The following NEGR1 variants were observed in gnomAD, a reference collection of about 807,000 sequenced individuals.
NEGR1 encodes the protein IgLON family member 4.
In NEGR1, 10 loss-of-function variants were observed where a neutral mutation model predicts 40.9. The ratio of observed to expected loss-of-function variants is 0.24; its 90% CI spans 0.15 to 0.42. NEGR1 has a LOEUF of 0.42. Ranked by LOEUF, NEGR1 falls within the 10% of genes least tolerant of loss-of-function variation. NEGR1 has a pLI of 1.00. For missense variants in NEGR1, 352 were observed against 438.9 expected, an observed-to-expected ratio of 0.80 and a Z score of 1.77; for synonymous variants, 185 against 166.8, an observed-to-expected ratio of 1.11 and a Z score of -0.84.
intron 2 of NEGR1, among the ~76,000 whole-genome samples, chr1:71,899,683 T>C (rs1263596830): frequency 6.6e-6 from 1 of 152,208 alleles, no homozygotes; most frequent in East Asian, 1.9e-4. Context: ...TTATTACATT[T>C]GCAATTTCTT....
At chr1:71,471,775 A>G (rs1646783878) in intron 6 of NEGR1, among the ~76,000 whole-genome samples, 1 of 152,154 alleles carries the variant, frequency 6.6e-6, no homozygotes, top group Non-Finnish European at 1.5e-5. Flanking sequence ...TGTTACCCAG[A>G]AAAGCCACAG....
intron 1 of NEGR1, among the ~76,000 whole-genome samples, chr1:72,095,174 A>G (rs964148511): frequency 6.6e-6 from 1 of 152,088 alleles, no homozygotes; most frequent in Non-Finnish European, 1.5e-5. Flanking sequence ...TTCACATTTT[A>G]GGATATATAC....
intron 6 of NEGR1, among the ~76,000 whole-genome samples, chr1:71,520,947 T>C (rs762434340): frequency 7.2e-5 from 11 of 152,096 alleles, no homozygotes; most frequent in Admixed American, 7.2e-4. Context: ...TGTGATTAGA[T>C]TAACCCACTG....
intron 2 of NEGR1, among the ~76,000 whole-genome samples, chr1:71,778,069 T>C (rs1412559588): frequency 1.3e-5 from 2 of 151,990 alleles, no homozygotes; most frequent in Non-Finnish European, 2.9e-5. Context: ...ATAGGAGAGT[T>C]AATAATAATA....
chr1:71,788,355 T>C (rs1195592348), intron 2 of NEGR1, among the ~76,000 whole-genome samples: 1 of 152,054 alleles, frequency 6.6e-6, no homozygotes, highest in Non-Finnish European at 1.5e-5. Flanking sequence ...ATCAAAGAAA[T>C]TGCTTTTGTG....
At chr1:71,409,239 TA>T (rs1251358177) in intron 6 of NEGR1, among the ~76,000 whole-genome samples, 1 of 151,958 alleles carries the variant, frequency 6.6e-6, no homozygotes, top group Non-Finnish European at 1.5e-5. Flanking sequence ...AAAAATATTT[TA>T]AAAATACAAA....
intron 1 of NEGR1, among the ~76,000 whole-genome samples, chr1:72,191,133 C>T (rs1024209299): frequency 6.6e-6 from 1 of 151,614 alleles, no homozygotes; most frequent in African/African-American, 2.4e-5. Context: ...CCCTAAAACT[C>T]CCATCATACC....
intron 1 of NEGR1, among the ~76,000 whole-genome samples, chr1:72,202,376 C>T (rs1653248626): frequency 6.6e-6 from 1 of 151,690 alleles, no homozygotes; most frequent in South Asian, 2.1e-4. Context: ...GATCACATAC[C>T]TCTCACTTCA....
intron 3 of NEGR1, among the ~76,000 whole-genome samples, chr1:71,740,348 T>C (rs1655176218): frequency 6.6e-6 from 1 of 152,186 alleles, no homozygotes; most frequent in African/African-American, 2.4e-5. Context: ...TTTGCTCTGC[T>C]ACTCTGTATC....
intron 2 of NEGR1, among the ~76,000 whole-genome samples, chr1:71,820,456 G>T (rs76231269): frequency 2.6e-5 from 4 of 151,996 alleles, no homozygotes; most frequent in African/African-American, 9.6e-5. Context: ...CATTTGATTG[G>T]GGAAATTAAA....
At chr1:71,481,748 T>C (rs1415741101) in intron 6 of NEGR1, among the ~76,000 whole-genome samples, 1 of 142,036 alleles carries the variant, frequency 7.0e-6, no homozygotes, top group Non-Finnish European at 1.5e-5. Context: ...ATTTAAGCAT[T>C]TTTTGAGGTG....
chr1:71,645,451 C>T (rs1006505504), intron 4 of NEGR1, among the ~76,000 whole-genome samples: 7 of 151,864 alleles, frequency 4.6e-5, no homozygotes, highest in South Asian at 2.1e-4. Flanking sequence ...CAGATACCAA[C>T]ATTTGTTCAT....
intron 4 of NEGR1, among the ~76,000 whole-genome samples, chr1:71,676,664 A>G (rs1207470735): frequency 6.6e-6 from 1 of 152,210 alleles, no homozygotes; most frequent in Non-Finnish European, 1.5e-5. Context: ...TGTAACCCAC[A>G]GGGTGTGTCA....
At chr1:71,435,386 T>TA (rs1252179411) in intron 6 of NEGR1, among the ~76,000 whole-genome samples, 5 of 151,952 alleles carry the variant, frequency 3.3e-5, no homozygotes, top group Non-Finnish European at 7.4e-5. Flanking sequence ...AGAGTTGGCA[T>TA]AAAAAAATGC....
At chr1:71,548,980 T>G (rs1474694612) in intron 6 of NEGR1, among the ~76,000 whole-genome samples, 1 of 151,688 alleles carries the variant, frequency 6.6e-6, no homozygotes, top group Non-Finnish European at 1.5e-5. Flanking sequence ...TAGAGGTTGA[T>G]AGTTTCCCTG....
intron 3 of NEGR1, among the ~76,000 whole-genome samples, chr1:71,774,028 C>G (rs1460466432): frequency 6.6e-6 from 1 of 152,112 alleles, no homozygotes; most frequent in East Asian, 1.9e-4. Flanking sequence ...ATTACCATAT[C>G]AGATTTAAAT....
In NEGR1 at chr1:72,266,872, A is replaced by G. The variant is rs1655663839; in HGVS notation, c.176+15447T>C. Among the ~76,000 whole-genome samples, 2 of 150,850 alleles carry G rather than the reference A, an allele frequency of 1.3e-5. 1 individual carries two copies. Among genetic ancestry groups the G allele is most frequent in the South Asian group, 4.2e-4 (2 of 4,818 alleles). ...TGAAAATCAATTGATGAGGAGGAAA[A>G]TGTCCCACACAAGACAGGGCAATAG... On this transcript the variant is annotated intron_variant, in intron 1 of 6. Transcript: ENST00000357731.
intron 2 of NEGR1, among the ~76,000 whole-genome samples, chr1:71,852,954 C>G (rs1421977687): frequency 6.6e-6 from 1 of 151,962 alleles, no homozygotes; most frequent in Non-Finnish European, 1.5e-5. Flanking sequence ...CAAAATATGT[C>G]TAGAGATCAC....
chr1:72,213,167 T>C (rs72941257), intron 1 of NEGR1, among the ~76,000 whole-genome samples: 1,986 of 152,038 alleles, frequency 0.013, 34 homozygotes, highest in African/African-American at 0.044. Context: ...AATTCTAAAG[T>C]TATTAATTTT....
Sources: allele counts gnomAD v4.1 joint callset (sites outside exome capture counted in the v4.1 genomes callset), GRCh38; gene constraint gnomAD v4.1.1; transcripts MANE v1.5; gene names NCBI Gene and HGNC (gene_info 2026-07-23, HGNC 2026-07-21).